The following SLIT3 variants were observed in gnomAD, a reference collection of about 807,000 sequenced individuals.
The protein encoded by SLIT3 is slit homolog 3 protein.
Under a neutral mutation model 184.0 loss-of-function variants are expected in SLIT3, and 68 were observed. The ratio of observed to expected loss-of-function variants is 0.37; its 90% CI spans 0.30 to 0.45. The LOEUF is 0.45. Ranked by LOEUF, SLIT3 falls within the 20% of genes least tolerant of loss-of-function variation. The probability of loss-of-function intolerance (pLI) is 1.00; values close to 1 mark genes in which losing one functional copy is unlikely to be tolerated. For synonymous variants in SLIT3, 831 were observed against 828.6 expected (o/e 1.00, Z -0.05); for missense variants, 1,707 against 2,026.0 (o/e 0.84, Z 3.02).
intron 20 of SLIT3, among the ~76,000 whole-genome samples, chr5:168,730,351 C>A (rs1435239543): frequency 6.6e-6 from 1 of 152,026 alleles, no homozygotes; most frequent in Non-Finnish European, 1.5e-5. Flanking sequence ...AAACACTGGA[C>A]TTAAATTGGA....
chr5:168,985,288 T>C (rs1755085195), intron 4 of SLIT3, among the ~76,000 whole-genome samples: 1 of 152,198 alleles, frequency 6.6e-6, no homozygotes, highest in Non-Finnish European at 1.5e-5. Context: ...GCCACGAATA[T>C]GCCATCTTGG....
chr5:169,275,186 T>A (rs1262078566), intron 1 of SLIT3, among the ~76,000 whole-genome samples: 1 of 152,200 alleles, frequency 6.6e-6, no homozygotes. Flanking sequence ...GGTGTGTAAG[T>A]ACTTCTCATG....
At chr5:168,698,212 GA>G (rs988571939) in intron 27 of SLIT3, among the ~76,000 whole-genome samples, 1 of 152,202 alleles carries the variant, frequency 6.6e-6, no homozygotes, top group African/African-American at 2.4e-5. Context: ...GTTATGGGTT[GA>G]ATTGTGTTCC....
At chr5:169,070,580 G>A (rs1007708955) in intron 4 of SLIT3, among the ~76,000 whole-genome samples, 5 of 152,046 alleles carry the variant, frequency 3.3e-5, no homozygotes, top group African/African-American at 7.2e-5. Context: ...GCGTGTTATC[G>A]GTATTTCCAT....
chr5:168,901,220 C>T (rs1244526539), intron 4 of SLIT3, among the ~76,000 whole-genome samples: 1 of 152,020 alleles, frequency 6.6e-6, no homozygotes, highest in African/African-American at 2.4e-5. Context: ...CAAAATTAGC[C>T]AGGCGTGGCG....
rs1582502342 is a variant in SLIT3, at chr5:168,664,658, T to G, written c.*1796A>C. 6.6e-6 allele frequency: 1 copy of G among 152,030 alleles called. No individual in the cohort carries two copies. Among genetic ancestry groups the G allele is most frequent in the Non-Finnish European group, 1.5e-5 (1 of 68,034 alleles). 9.4% of individuals were successfully genotyped at this position (152,030 alleles called of 1,614,324 possible). A position where few individuals can be genotyped will look rare whatever the true frequency, so the allele number is the denominator to read the frequency against. The stretch of plus-strand genomic sequence containing the variant: ...TCTAGGGAACCTGAGGGCTGAAAGG[T>G]CCAATGAATTCCAAACTCTTCTCCC... On this transcript the variant is annotated 3_prime_UTR_variant, in exon 36 of 36. Coordinates refer to ENST00000519560, the MANE Select transcript of SLIT3 (RefSeq NM_003062.4).
At chr5:168,716,895 C>G (rs1373481771) in intron 23 of SLIT3, among the ~76,000 whole-genome samples, 1 of 149,456 alleles carries the variant, frequency 6.7e-6, no homozygotes, top group African/African-American at 2.5e-5. Flanking sequence ...TGAGTCCCAG[C>G]CTTGGTTCTG....
intron 4 of SLIT3, among the ~76,000 whole-genome samples, chr5:168,989,108 G>C (rs974637947): frequency 1.3e-5 from 2 of 152,200 alleles, no homozygotes; most frequent in African/African-American, 4.8e-5. Context: ...AAATACAGGA[G>C]CCTTGCAGAA....
chr5:169,251,951 A>G (rs1765789464), intron 1 of SLIT3, among the ~76,000 whole-genome samples: 1 of 152,208 alleles, frequency 6.6e-6, no homozygotes. Context: ...CGCCACAAAA[A>G]CAGTGAGCAG....
intron 4 of SLIT3, among the ~76,000 whole-genome samples, chr5:168,934,665 G>T (rs893340437): frequency 1.3e-5 from 2 of 152,122 alleles, no homozygotes; most frequent in Non-Finnish European, 2.9e-5. Context: ...TTTGAGACTG[G>T]GGAGGAGTGT....
chr5:168,748,452 G>A lies in SLIT3; in HGVS notation c.2138-18C>T, dbSNP rs750517741. The A allele has an allele frequency of 2.6e-6, 4 of 1,514,162 alleles. No homozygotes were observed. The highest frequency in any genetic ancestry group is 3.5e-6 in the Non-Finnish European group (4 of 1,146,392). The allele number at this position is 1,514,162 out of a possible 1,614,324, so 93.8% of individuals were successfully genotyped here. On this transcript the variant is annotated intron_variant, in intron 19 of 35. Transcript: ENST00000519560. ...CTCGTTGCCTGTGGAGAGCCCCAGA[G>A]AGGGTGAGGGTTGTGGGAGATAAGC...
intron 3 of SLIT3, among the ~76,000 whole-genome samples, chr5:169,223,775 G>A (rs1764696618): frequency 6.6e-6 from 1 of 152,272 alleles, no homozygotes; most frequent in South Asian, 2.1e-4. Flanking sequence ...AACAAAACCA[G>A]CAAAGAGATT....
chr5:169,049,620 C>T (rs1215850082), intron 4 of SLIT3, among the ~76,000 whole-genome samples: 5 of 152,128 alleles, frequency 3.3e-5, no homozygotes, highest in African/African-American at 4.8e-5. Flanking sequence ...TTTCTTTCCA[C>T]GAAGTCCAGC....
At chr5:168,753,400 GAA>G (rs1368038601) in intron 17 of SLIT3, among the ~76,000 whole-genome samples, 2 of 152,254 alleles carry the variant, frequency 1.3e-5, no homozygotes, top group African/African-American at 2.4e-5. Context: ...TCTGGGAAGA[GAA>G]GAGAGAATCA....
In SLIT3 at chr5:168,970,892, A is replaced by G. The variant is rs536011629; in HGVS notation, c.414-87556T>C. ...TTTATTCAGCAAATATTTATGGAGG[A>G]CTTATTTTATGCCAGGCATTTTGCA... is the stretch of plus-strand genomic sequence containing the variant. On this transcript the variant is annotated intron_variant, in intron 4 of 35. Coordinates refer to ENST00000519560, the MANE Select transcript of SLIT3 (RefSeq NM_003062.4). Among the ~76,000 whole-genome samples the G allele has an allele frequency of 6.4e-4, 97 of 152,228 alleles. 1 individual carries two copies. The Middle Eastern group carries it at 0.014, about 21-fold the overall frequency.
In SLIT3 at chr5:168,708,083, T is replaced by C; in HGVS notation, c.2737A>G (p.Ile913Val). The change falls in exon 26 of 36, where the codon ATT becomes GTT. Residue 913 changes from isoleucine (I) to valine (V), a missense_variant. Physicochemically the swap from Ile to Val is conservative, Grantham distance 29. Coordinates refer to ENST00000519560, the MANE Select transcript of SLIT3 (RefSeq NM_003062.4). ...AGGCAGGCATTGCATTTGGCCACAA[T>C]GTTGATGTCCACTGGCCCTGGGCAG... is the stretch of plus-strand genomic sequence containing the variant. ...FQCKGPVDIN[I>V]VAKCNACLSS... 9.9e-6 allele frequency: 16 copies of C among 1,614,204 alleles called. No individual in the cohort carries two copies. The highest frequency in any genetic ancestry group is 1.2e-5 in the Non-Finnish European group (14 of 1,180,026).
In SLIT3 at chr5:169,300,401, G is replaced by C; in HGVS notation, c.197+112C>G. On this transcript the variant is annotated intron_variant, in intron 1 of 35. Coordinates refer to ENST00000519560, the MANE Select transcript of SLIT3 (RefSeq NM_003062.4). The surrounding 1 kb of genome is among the most constrained non-coding windows in gnomAD (Gnocchi z 4.1). ...AGGGATCGTATCCAGGAAGGGATGAGAATAGAGACTGCATCCAGGGAGGCC... is the reference window on the plus strand; with the variant it reads ...AGGGATCGTATCCAGGAAGGGATGACAATAGAGACTGCATCCAGGGAGGCC... 1.6e-6 allele frequency: 2 copies of C among 1,277,866 alleles called. No individual in the cohort carries two copies. Among genetic ancestry groups the C allele is most frequent in the Non-Finnish European group, 2.0e-6 (2 of 986,130 alleles). 79.2% of individuals were successfully genotyped at this position (1,277,866 alleles called of 1,614,324 possible).
At chr5:169,299,485 C>T (rs1269122946) in intron 1 of SLIT3, among the ~76,000 whole-genome samples, 2 of 152,062 alleles carry the variant, frequency 1.3e-5, no homozygotes, top group East Asian at 1.9e-4. Flanking sequence ...GAGCAAGACA[C>T]GGAGGGAATC....
At chr5:169,247,056 C>G (rs2113585063) in intron 2 of SLIT3, among the ~76,000 whole-genome samples, 1 of 151,750 alleles carries the variant, frequency 6.6e-6, no homozygotes, top group East Asian at 1.9e-4. Context: ...AGGTGAAACC[C>G]TGTCTCTACT....
Sources: gnomAD v4.1 joint callset for allele counts (sites outside exome capture counted in the v4.1 genomes callset) on GRCh38, gnomAD v4.1.1 for gene constraint, Gnocchi (gnomAD v3.1) non-coding constraint, MANE v1.5 for transcripts, NCBI Gene and HGNC (gene_info 2026-07-23, HGNC 2026-07-21) for gene names.